The following LUZP2 variants were observed in gnomAD, a reference collection of about 807,000 sequenced individuals.
LUZP2 encodes leucine zipper protein 2.
Under a neutral mutation model 51.6 loss-of-function variants are expected in LUZP2, and 52 were observed. That is an observed-to-expected ratio of 1.01 (90% CI 0.81 to 1.27). The LOEUF (loss-of-function observed/expected upper bound fraction) is 1.27, where lower values mean the gene tolerates loss of function less well. LUZP2 is among the 50% of genes most tolerant of loss of function. The probability of loss-of-function intolerance (pLI) is 0.00; values close to 1 mark genes in which losing one functional copy is unlikely to be tolerated. For missense variants in LUZP2, 436 were observed against 395.4 expected (o/e 1.10, Z -0.87); for synonymous variants, 154 against 137.3 (o/e 1.12, Z -0.85).
At chr11:24,579,126 T>G (rs1279391852) in intron 1 of LUZP2, among the ~76,000 whole-genome samples, 1 of 152,118 alleles carries the variant, frequency 6.6e-6, no homozygotes, top group African/African-American at 2.4e-5. Context: ...TGCATATTCA[T>G]TAAATCAATA....
intron 7 of LUZP2, among the ~76,000 whole-genome samples, chr11:24,918,366 C>A (rs1853870913): frequency 1.3e-5 from 2 of 152,014 alleles, no homozygotes; most frequent in South Asian, 4.1e-4. Flanking sequence ...GAACTTCCAA[C>A]ACTATGTTGA....
At chr11:24,805,423 C>T (rs1354870147) in intron 5 of LUZP2, among the ~76,000 whole-genome samples, 1 of 152,024 alleles carries the variant, frequency 6.6e-6, no homozygotes, top group Non-Finnish European at 1.5e-5. Context: ...CCAGGTTGGC[C>T]ACGCTGGTCT....
chr11:24,533,478 C>T (rs1438268268), intron 1 of LUZP2, among the ~76,000 whole-genome samples: 1 of 151,312 alleles, frequency 6.6e-6, no homozygotes, highest in African/African-American at 2.4e-5. Flanking sequence ...ATGAAACCTC[C>T]AACGACCTAA....
At chr11:24,559,037 C>T (rs1288500275) in intron 1 of LUZP2, among the ~76,000 whole-genome samples, 1 of 152,152 alleles carries the variant, frequency 6.6e-6, no homozygotes, top group South Asian at 2.1e-4. Context: ...GACTTCAGAA[C>T]AAGCAATTCA....
At chr11:24,558,100 C>T (rs1364622431) in intron 1 of LUZP2, among the ~76,000 whole-genome samples, 1 of 152,132 alleles carries the variant, frequency 6.6e-6, no homozygotes, top group African/African-American at 2.4e-5. Flanking sequence ...CTTGCTCTCT[C>T]TTCTGGAACA....
chr11:24,678,374 G>C (rs139262659), intron 1 of LUZP2, among the ~76,000 whole-genome samples: 285 of 152,264 alleles, frequency 1.9e-3, no homozygotes, highest in African/African-American at 6.5e-3. Flanking sequence ...GCTATGCAAG[G>C]ATGGGCCACA....
intron 5 of LUZP2, among the ~76,000 whole-genome samples, chr11:24,826,786 C>A (rs59194865): frequency 0.011 from 1,747 of 152,092 alleles, 39 homozygotes; most frequent in African/African-American, 0.039. Flanking sequence ...AATGAAAAAT[C>A]TTTTCTGAAA....
intron 1 of LUZP2, among the ~76,000 whole-genome samples, chr11:24,708,168 T>G (rs1267470748): frequency 6.6e-6 from 1 of 152,134 alleles, no homozygotes; most frequent in Admixed American, 6.5e-5. Flanking sequence ...GGCAAAAAAT[T>G]GAAAATACTG....
chr11:24,926,202 T>C (rs1158905604), intron 7 of LUZP2, among the ~76,000 whole-genome samples: 1 of 149,090 alleles, frequency 6.7e-6, no homozygotes, highest in Non-Finnish European at 1.5e-5. Context: ...TATATATATA[T>C]GTGTGTATAT....
chr11:24,630,792 G>A (rs987981814), intron 1 of LUZP2, among the ~76,000 whole-genome samples: 21 of 151,490 alleles, frequency 1.4e-4, no homozygotes, highest in African/African-American at 4.8e-4. Flanking sequence ...TTTGAGTAGA[G>A]CGGTTATTTT....
chr11:24,577,445 G>A lies in LUZP2; in HGVS notation c.62+80140G>A, dbSNP rs950056338. Reference sequence around the variant, plus strand: ...CTGTGTTACTCCCAATATGCTAGAGGCATAACATGCCTTGTAAATTCTGTA... The same window carrying A: ...CTGTGTTACTCCCAATATGCTAGAGACATAACATGCCTTGTAAATTCTGTA... On this transcript the variant is annotated intron_variant, in intron 1 of 11. Transcript: ENST00000336930. 2.6e-5 allele frequency among the ~76,000 whole-genome samples: 4 copies of A among 152,150 alleles called. No homozygotes were observed. In the East Asian group the frequency reaches 7.7e-4, roughly 29 times the overall value.
intron 9 of LUZP2, among the ~76,000 whole-genome samples, chr11:25,035,522 GA>G (rs201225592): frequency 2.5e-4 from 38 of 151,572 alleles, no homozygotes; most frequent in African/African-American, 8.7e-4. Context: ...AAACACTGAT[GA>G]AAAAAAACCA....
intron 1 of LUZP2, among the ~76,000 whole-genome samples, chr11:24,727,469 G>A (rs1352871819): frequency 6.6e-6 from 1 of 151,918 alleles, no homozygotes; most frequent in Non-Finnish European, 1.5e-5. Context: ...CATGAGAAAA[G>A]CACTATTATT....
chr11:24,768,995 T>G (rs985511392), intron 5 of LUZP2, among the ~76,000 whole-genome samples: 1 of 152,238 alleles, frequency 6.6e-6, no homozygotes, highest in Non-Finnish European at 1.5e-5. Flanking sequence ...GGAATCAATG[T>G]GTTTATAGAT....
At chr11:25,063,142 TAAAAC>T (rs1858896070) in intron 10 of LUZP2, among the ~76,000 whole-genome samples, 1 of 151,612 alleles carries the variant, frequency 6.6e-6, no homozygotes. Context: ...CAACAGAAAA[TAAAAC>T]AAATAAAATA....
chr11:24,800,116 C>G (rs1849656143), intron 5 of LUZP2, among the ~76,000 whole-genome samples: 1 of 152,088 alleles, frequency 6.6e-6, no homozygotes, highest in Non-Finnish European at 1.5e-5. Flanking sequence ...TCCACCCGCC[C>G]CCACCCTTGT....
At chr11:24,530,579 A>G (rs960864905) in intron 1 of LUZP2, among the ~76,000 whole-genome samples, 2 of 150,832 alleles carry the variant, frequency 1.3e-5, no homozygotes, top group African/African-American at 4.8e-5. Context: ...ATTTGATCTT[A>G]TAAACTGTAT....
intron 7 of LUZP2, among the ~76,000 whole-genome samples, chr11:24,975,902 G>T (rs1855868963): frequency 6.6e-6 from 1 of 151,910 alleles, no homozygotes. Flanking sequence ...TGCTTGGGCT[G>T]TCATAACAAA....
At chr11:24,498,362 C>G (rs1215424720) in intron 1 of LUZP2, among the ~76,000 whole-genome samples, 2 of 152,188 alleles carry the variant, frequency 1.3e-5, no homozygotes, top group Non-Finnish European at 2.9e-5. Context: ...ATGAAGAAAA[C>G]TTACTCTGTC....
Sources: allele counts gnomAD v4.1 joint callset (sites outside exome capture counted in the v4.1 genomes callset), GRCh38; gene constraint gnomAD v4.1.1; transcripts MANE v1.5; gene names NCBI Gene and HGNC (gene_info 2026-07-23, HGNC 2026-07-21).